The following SLC27A6 variants were observed in gnomAD, a reference collection of about 807,000 sequenced individuals.
SLC27A6 encodes long-chain fatty acid transport protein 6.
SLC27A6 carries 74 observed loss-of-function variants against 63.9 expected under a neutral mutation model. The ratio of observed to expected loss-of-function variants is 1.16; its 90% CI spans 0.96 to 1.40. The LOEUF is 1.40. Ranked by LOEUF, SLC27A6 falls within the 40% of genes most tolerant of loss-of-function variation. SLC27A6 has a pLI of 0.00. For missense variants in SLC27A6, 794 were observed against 732.9 expected (o/e 1.08, Z -0.96); for synonymous variants, 287 against 260.8 (o/e 1.10, Z -0.97).
In SLC27A6 at chr5:128,965,944, C is replaced by T; in HGVS notation, c.-194C>T. 1 of 574,156 alleles carries T rather than the reference C, an allele frequency of 1.7e-6. No individual in the cohort carries two copies. The allele number at this position is 574,156 out of a possible 1,614,324, so 35.6% of individuals were successfully genotyped here. On this transcript the variant is annotated 5_prime_UTR_variant, in exon 1 of 10. Transcript: ENST00000262462. ...AATCTTCAGCACCACTTGGGGCGAC[C>T]TTTTCGGTGCAAACCTACGATTCTG... is the stretch of plus-strand genomic sequence containing the variant.
intron 4 of SLC27A6, among the ~76,000 whole-genome samples, chr5:128,998,111 T>C (rs1484829026): frequency 1.2e-4 from 12 of 98,594 alleles, no homozygotes; most frequent in Admixed American, 5.7e-4. Flanking sequence ...GACAGTCCCA[T>C]CTCTACAAAA....
At chr5:128,978,299 T>G (rs948104849) in intron 1 of SLC27A6, among the ~76,000 whole-genome samples, 2 of 152,200 alleles carry the variant, frequency 1.3e-5, no homozygotes, top group Non-Finnish European at 2.9e-5. Flanking sequence ...TTGGACTATA[T>G]AGTATAGAGA....
Position 129,016,085 on chromosome 5 carries a change from T to A in SLC27A6, c.1164+6T>A, listed in dbSNP as rs1561629308. On this transcript the variant is annotated splice_donor_region_variant and intron_variant, in intron 5 of 9. Transcript: ENST00000262462. ...GAACAAATTTGTTTTACAAAGTAAG[T>A]ACAGCATTTTCCTTATTAAAGAAAT... 4 of 1,572,384 alleles carry A rather than the reference T, an allele frequency of 2.5e-6. No homozygotes were observed. The highest frequency in any genetic ancestry group is 3.4e-6 in the Non-Finnish European group (4 of 1,161,792).
chr5:128,995,472 A>G (rs1751125585), intron 4 of SLC27A6, among the ~76,000 whole-genome samples: 1 of 152,236 alleles, frequency 6.6e-6, no homozygotes, highest in Non-Finnish European at 1.5e-5. Flanking sequence ...AAGTAATTAC[A>G]GACAATGACA....
chr5:129,033,057 A>G, intron 9 of SLC27A6, 49 bp from the exon 10 acceptor site: 1 of 1,191,290 alleles, frequency 8.4e-7, no homozygotes, highest in South Asian at 1.4e-5. Context: ...ATATATGTAT[A>G]TATTATAGTT....
intron 6 of SLC27A6, among the ~76,000 whole-genome samples, chr5:129,024,207 A>T (rs1752165279): frequency 6.6e-6 from 1 of 152,140 alleles, no homozygotes; most frequent in Admixed American, 6.6e-5. Context: ...CAGATGGTAA[A>T]TTATTAAAAT....
chr5:128,973,295 T>C (rs1750255775), intron 1 of SLC27A6, among the ~76,000 whole-genome samples: 1 of 152,168 alleles, frequency 6.6e-6, no homozygotes, highest in Non-Finnish European at 1.5e-5. Flanking sequence ...GAACCACTGC[T>C]CTCTTCAGAG....
chr5:129,022,045 A>G (rs1209883282), intron 5 of SLC27A6, among the ~76,000 whole-genome samples: 1 of 152,214 alleles, frequency 6.6e-6, no homozygotes, highest in Non-Finnish European at 1.5e-5. Context: ...TTGTTTGGCC[A>G]AGATGATAAA....
intron 4 of SLC27A6, among the ~76,000 whole-genome samples, chr5:129,006,071 GTTTTT>G (rs4068575): frequency 2.7e-3 from 162 of 60,132 alleles, no homozygotes; most frequent in African/African-American, 0.012. Context: ...TGTGCACACT[GTTTTT>G]TTTTTTTTTT....
chr5:128,966,041 T>G lies in SLC27A6; in HGVS notation c.-97T>G. On this transcript the variant is annotated 5_prime_UTR_variant, in exon 1 of 10. Coordinates refer to ENST00000262462, the MANE Select transcript of SLC27A6 (RefSeq NM_001017372.3). ...AAGAACTTCAGGTGTAAGCCCTGAG[T>G]AGTGAGGATCTGCGGTCTCCGTGGA... The G allele has an allele frequency of 7.1e-7, 1 of 1,413,812 alleles. No homozygotes were observed. Among genetic ancestry groups the G allele is most frequent in the South Asian group, 1.6e-5 (1 of 62,966 alleles). 87.6% of individuals were successfully genotyped at this position (1,413,812 alleles called of 1,614,324 possible).
intron 1 of SLC27A6, among the ~76,000 whole-genome samples, chr5:128,971,334 A>T (rs952256389): frequency 4.6e-5 from 7 of 152,084 alleles, no homozygotes; most frequent in Admixed American, 4.6e-4. Flanking sequence ...GGTCTCATTG[A>T]TCTGTCTAAT....
chr5:129,017,184 C>A (rs1751926417), intron 5 of SLC27A6, among the ~76,000 whole-genome samples: 1 of 152,024 alleles, frequency 6.6e-6, no homozygotes, highest in Non-Finnish European at 1.5e-5. Flanking sequence ...ACAAAAGTTA[C>A]TGGGCCAGTT....
At chr5:129,009,429 C>T (rs1751649571) in intron 4 of SLC27A6, among the ~76,000 whole-genome samples, 1 of 152,110 alleles carries the variant, frequency 6.6e-6, no homozygotes, top group African/African-American at 2.4e-5. Flanking sequence ...TCTTCTCTCT[C>T]TGTGACACCA....
At chr5:128,974,426 A>T (rs1236243277) in intron 1 of SLC27A6, among the ~76,000 whole-genome samples, 1 of 152,206 alleles carries the variant, frequency 6.6e-6, no homozygotes, top group Non-Finnish European at 1.5e-5. Flanking sequence ...AATGAGATAT[A>T]TGTTTTCCAA....
Position 128,985,314 on chromosome 5 carries a change from C to G in SLC27A6, c.663C>G (p.Tyr221Ter). 3.1e-6 allele frequency: 5 copies of G among 1,614,020 alleles called. No individual in the cohort carries two copies. The highest frequency in any genetic ancestry group is 4.2e-6 in the Non-Finnish European group (5 of 1,179,900). The change falls in exon 2 of 10, where the codon TAC (tyrosine) becomes TAG (stop). Residue 221 changes from tyrosine (Y) to a stop codon, truncating the protein, a stop_gained. Coordinates refer to ENST00000262462, the MANE Select transcript of SLC27A6 (RefSeq NM_001017372.3). LOFTEE classifies it high-confidence loss of function. ...VVSLLKSTCL[Y>*]IFTSGTTGLP... Reference sequence around the variant, plus strand: ...CACTCCTCAAGTCTACTTGTCTTTACATTTTTACCTCTGGAACAACAGGTA... The same window carrying G: ...CACTCCTCAAGTCTACTTGTCTTTAGATTTTTACCTCTGGAACAACAGGTA...
In SLC27A6 at chr5:129,006,071, G is replaced by GTTTTTTTTTTTTTTTTTT. The variant is rs4068575; in HGVS notation, c.970-9806_970-9789dup. ...TAAAATTTTCATTCCTGTGCACACT[G>GTTTTTTTTTTTTTTTTTT]TTTTTTTTTTTTTTTTTTTTTTTTT... On this transcript the variant is annotated intron_variant, in intron 4 of 9. Transcript: ENST00000262462. 4.3e-3 allele frequency among the ~76,000 whole-genome samples: 259 copies of GTTTTTTTTTTTTTTTTTT among 60,128 alleles called. 69 individuals are homozygous for GTTTTTTTTTTTTTTTTTT. Among genetic ancestry groups the GTTTTTTTTTTTTTTTTTT allele is most frequent in the African/African-American group, 9.4e-3 (114 of 12,086 alleles). The allele number at this position is 60,128 out of a possible 152,430, so 39.4% of individuals were successfully genotyped here.
In SLC27A6 at chr5:128,978,245, A is replaced by AT. The variant is rs527747987; in HGVS notation, c.482-6882dup. Among the ~76,000 whole-genome samples, 13 of 152,188 alleles carry AT rather than the reference A, an allele frequency of 8.5e-5. No individual in the cohort carries two copies. The East Asian group carries it at 2.3e-3, about 27-fold the overall frequency. ...CATATTTTGTATAGCCTGAATGTGT[A>AT]TTTTTTCAGTTACATCAAAGTGGAA... is the stretch of plus-strand genomic sequence containing the variant. On this transcript the variant is annotated intron_variant, in intron 1 of 9. Transcript: ENST00000262462.
At chr5:129,018,841 GTTTTC>G (rs1225190167) in intron 5 of SLC27A6, among the ~76,000 whole-genome samples, 2 of 151,974 alleles carry the variant, frequency 1.3e-5, no homozygotes, top group African/African-American at 4.8e-5. Context: ...ACTCATTTTA[GTTTTC>G]TTTTTCAGTT....
At position 128,966,002 on chromosome 5, in the gene SLC27A6, C is replaced by G. The variant is rs2150123794; in HGVS notation, c.-136C>G. The G allele has an allele frequency of 1.9e-6, 2 of 1,054,200 alleles. No individual in the cohort carries two copies. Among genetic ancestry groups the G allele is most frequent in the East Asian group, 2.7e-5 (1 of 37,302 alleles). 65.3% of individuals were successfully genotyped at this position (1,054,200 alleles called of 1,614,324 possible). A position where few individuals can be genotyped will look rare whatever the true frequency, so the allele number is the denominator to read the frequency against. ...GGATTCCTCCCCATCCCGCTTCGCC[C>G]CGGAAAAGCTGACAAGAACTTCAGG... On this transcript the variant is annotated 5_prime_UTR_variant, in exon 1 of 10. Transcript: ENST00000262462.
Sources: gnomAD v4.1 joint callset for allele counts (sites outside exome capture counted in the v4.1 genomes callset) on GRCh38, gnomAD v4.1.1 for gene constraint, MANE v1.5 for transcripts, NCBI Gene and HGNC (gene_info 2026-07-23, HGNC 2026-07-21) for gene names.